KIF13A: variants seen among roughly 807,000 people sequenced by gnomAD.
KIF13A encodes kinesin-like protein KIF13A.
A neutral mutation model predicts 212.2 loss-of-function variants in KIF13A; 79 were observed. That is an observed-to-expected ratio of 0.37 (90% CI 0.31 to 0.45). KIF13A has a LOEUF of 0.45. Ranked by LOEUF, KIF13A falls within the 20% of genes least tolerant of loss-of-function variation. The pLI is 1.00. For missense variants in KIF13A, 1,901 were observed against 2,209.0 expected, an observed-to-expected ratio of 0.86 and a Z score of 2.79; for synonymous variants, 789 against 808.6, an observed-to-expected ratio of 0.98 and a Z score of 0.41.
At chr6:17,847,048 G>A (rs1767136980) in intron 9 of KIF13A, among the ~76,000 whole-genome samples, 2 of 152,202 alleles carry the variant, frequency 1.3e-5, no homozygotes, top group African/African-American at 4.8e-5. Flanking sequence ...TGCATATGGA[G>A]CATTCAGAAT....
At chr6:17,950,517 A>G (rs1308948190) in intron 2 of KIF13A, 8 of 985,248 alleles carry the variant, frequency 8.1e-6, no homozygotes, top group Middle Eastern at 1.0e-3. Context: ...ATAGAAGAAC[A>G]TGTACACAAA....
chr6:17,973,959 C>G (rs143412748), intron 2 of KIF13A, among the ~76,000 whole-genome samples: 124 of 152,342 alleles, frequency 8.1e-4, no homozygotes, highest in African/African-American at 2.8e-3. Flanking sequence ...TAGGCAAGTA[C>G]TTTGCATTTA....
chr6:17,780,733 T>C lies in KIF13A; in HGVS notation c.3843A>G (p.Lys1281=). The change falls in exon 31 of 39, where the codon AAA becomes AAG. Residue 1281 remains lysine, a synonymous_variant. Coordinates refer to ENST00000259711, the MANE Select transcript of KIF13A (RefSeq NM_022113.6). ...CACAATCAGGCCCCGTTATTACCTG[T>C]TTGTTGTAAATATTGGCTGCAATTC... The part of the protein sequence containing the change: ...RKRIAANIYN[K]QSFTQSLKRR... The C allele has an allele frequency of 6.2e-7, 1 of 1,613,578 alleles. No individual in the cohort carries two copies. The highest frequency in any genetic ancestry group is 1.7e-5 in the Admixed American group (1 of 60,018).
Position 17,856,019 on chromosome 6 carries a change from C to A in KIF13A, c.313+11G>T. 2 of 1,591,270 alleles carry A rather than the reference C, an allele frequency of 1.3e-6. No homozygotes were observed. The highest frequency in any genetic ancestry group is 1.3e-5 in the African/African-American group (1 of 74,510). On this transcript the variant is annotated intron_variant, in intron 5 of 38. Transcript: ENST00000259711. This position sits in a 1 kb window ranked among gnomAD's most constrained non-coding sequence, Gnocchi z 4.5. ...ATCCCCCACATCTGGTCTATAAAAG[C>A]AACTTCTTACCTGTCTGTCCATATG...
rs568959643 is a variant in KIF13A at position 17,968,587 on chromosome 6, A to G, written c.146+18467T>C. 6.6e-6 allele frequency among the ~76,000 whole-genome samples: 1 copy of G among 152,320 alleles called. No individual in the cohort carries two copies. The highest frequency in any genetic ancestry group is 2.1e-4 in the South Asian group (1 of 4,828). ...AGTTACCTGCATAGAATCTGCAGCT[A>G]ATGCTGCTCCATAGGTTGTGCAGTG... On this transcript the variant is annotated intron_variant, in intron 2 of 38. Coordinates refer to ENST00000259711, the MANE Select transcript of KIF13A (RefSeq NM_022113.6). This position sits in a 1 kb window ranked among gnomAD's most constrained non-coding sequence, Gnocchi z 4.7.
At chr6:17,791,162 A>C (rs1197676597) in intron 25 of KIF13A, among the ~76,000 whole-genome samples, 1 of 148,216 alleles carries the variant, frequency 6.7e-6, no homozygotes, top group African/African-American at 2.5e-5. Context: ...TGACTAACTT[A>C]TTAAATGTAA....
intron 9 of KIF13A, among the ~76,000 whole-genome samples, chr6:17,841,356 T>C (rs906972205): frequency 1.3e-5 from 2 of 152,152 alleles, no homozygotes; most frequent in Admixed American, 1.3e-4. Context: ...TGAGCCACCA[T>C]GCCCAGTCGT....
intron 2 of KIF13A, among the ~76,000 whole-genome samples, chr6:17,966,906 G>A (rs921904964): frequency 3.9e-5 from 6 of 152,254 alleles, no homozygotes; most frequent in East Asian, 1.9e-4. Flanking sequence ...GTTAAGCAGC[G>A]TGCCCAAAAT....
At chr6:17,881,992 T>A (rs1252859232) in intron 3 of KIF13A, 1 of 456,152 alleles carries the variant, frequency 2.2e-6, no homozygotes, top group Admixed American at 2.4e-5. Flanking sequence ...CAAGACTCTG[T>A]CTCAAAAAAA....
intron 2 of KIF13A, among the ~76,000 whole-genome samples, chr6:17,964,224 C>G (rs1485470679): frequency 6.6e-6 from 1 of 152,228 alleles, no homozygotes; most frequent in Non-Finnish European, 1.5e-5. Context: ...TCCATCAACT[C>G]TCTTCCTTCT....
intron 2 of KIF13A, among the ~76,000 whole-genome samples, chr6:17,981,143 CTA>C (rs889061114): frequency 3.3e-5 from 5 of 151,332 alleles, no homozygotes; most frequent in South Asian, 2.1e-4. Flanking sequence ...CTAACTAAAC[CTA>C]TGTTTTTCAA....
Position 17,764,611 on chromosome 6 carries a change from C to T in KIF13A, c.4917G>A (p.Ser1639=), listed in dbSNP as rs200060766. 6.0e-5 allele frequency: 97 copies of T among 1,613,754 alleles called. No homozygotes were observed. The highest frequency in any genetic ancestry group is 6.7e-5 in the East Asian group (3 of 44,892). ...DADSTEHSTP[S]LVHDFRPSSN... is the part of the protein sequence containing the mutation. Reference sequence around the variant, plus strand: ...AGGACGGCCTGAAATCATGCACAAGCGATGGTGTGGAGTGCTCGGTGGAGT... The same window carrying T: ...AGGACGGCCTGAAATCATGCACAAGTGATGGTGTGGAGTGCTCGGTGGAGT... The change falls in exon 39 of 39, where the codon TCG becomes TCA. Residue 1639 remains serine (S), a synonymous_variant. Coordinates refer to ENST00000259711, the MANE Select transcript of KIF13A (RefSeq NM_022113.6). The surrounding 1 kb of genome is among the most constrained non-coding windows in gnomAD (Gnocchi z 5.1).
chr6:17,905,179 T>C (rs1217007480), intron 2 of KIF13A, among the ~76,000 whole-genome samples: 1 of 152,224 alleles, frequency 6.6e-6, no homozygotes, highest in Non-Finnish European at 1.5e-5. Flanking sequence ...TTAGTGTATT[T>C]TGTGTGTGGC....
intron 2 of KIF13A, among the ~76,000 whole-genome samples, chr6:17,973,050 C>G (rs888813793): frequency 6.6e-6 from 1 of 152,124 alleles, no homozygotes. Flanking sequence ...GAGTTCATCC[C>G]ACAGTGGAAG....
Position 17,799,537 on chromosome 6 carries a change from G to T in KIF13A, c.2617-98C>A. 1.1e-6 allele frequency: 1 copy of T among 933,784 alleles called. No individual in the cohort carries two copies. Among genetic ancestry groups the T allele is most frequent in the Non-Finnish European group, 1.6e-6 (1 of 640,028 alleles). 57.8% of individuals were successfully genotyped at this position (933,784 alleles called of 1,614,324 possible). ...TAAGAGTAAGCGATGAAACAAATTG[G>T]TCATCCATTTGACATGTGAAAATAT... On this transcript the variant is annotated intron_variant, in intron 21 of 38. Transcript: ENST00000259711. The surrounding 1 kb of genome is among the most constrained non-coding windows in gnomAD (Gnocchi z 4.4).
At position 17,897,339 on chromosome 6, in the gene KIF13A, A is replaced by G. The variant is rs1434665971; in HGVS notation, c.159+829T>C. Among the ~76,000 whole-genome samples the G allele has an allele frequency of 6.6e-6, 1 of 152,196 alleles. No individual in the cohort carries two copies. Among genetic ancestry groups the G allele is most frequent in the Non-Finnish European group, 1.5e-5 (1 of 68,036 alleles). ...AAGCCTGTTCTAATCCTATCTCAAG[A>G]ACCACAGCTATAATCAGTATCACTG... On this transcript the variant is annotated intron_variant, in intron 3 of 38. Coordinates refer to ENST00000259711, the MANE Select transcript of KIF13A (RefSeq NM_022113.6). This position sits in a 1 kb window ranked among gnomAD's most constrained non-coding sequence, Gnocchi z 4.8.
At position 17,926,895 on chromosome 6, in the gene KIF13A, T is replaced by G. The variant is rs1327448720; in HGVS notation, c.147-28715A>C. Among the ~76,000 whole-genome samples, 3 of 152,080 alleles carry G rather than the reference T, an allele frequency of 2.0e-5. No homozygotes were observed. Among genetic ancestry groups the G allele is most frequent in the African/African-American group, 7.2e-5 (3 of 41,406 alleles). On this transcript the variant is annotated intron_variant, in intron 2 of 38. Transcript: ENST00000259711. The surrounding 1 kb of genome is among the most constrained non-coding windows in gnomAD (Gnocchi z 4.3). ...GCTCATACCTGTAATCTCGGCACTT[T>G]GGGAGGTCGAGGCAGGCAGATCACT... is the stretch of plus-strand genomic sequence containing the variant.
intron 17 of KIF13A, among the ~76,000 whole-genome samples, chr6:17,815,080 G>A (rs1022145052): frequency 1.3e-5 from 2 of 152,070 alleles, no homozygotes; most frequent in African/African-American, 2.4e-5. Context: ...GGAAGGTCAC[G>A]CAAGTCATGT....
chr6:17,932,148 T>C (rs1249740794), intron 2 of KIF13A, among the ~76,000 whole-genome samples: 1 of 152,128 alleles, frequency 6.6e-6, no homozygotes, highest in Non-Finnish European at 1.5e-5. Flanking sequence ...CACCGACACA[T>C]GCTAGACACA....
Sources: gnomAD v4.1 joint callset for allele counts (sites outside exome capture counted in the v4.1 genomes callset) on GRCh38, gnomAD v4.1.1 for gene constraint, Gnocchi (gnomAD v3.1) non-coding constraint, MANE v1.5 for transcripts, NCBI Gene and HGNC (gene_info 2026-07-23, HGNC 2026-07-21) for gene names.